The following PXDN variants were observed in gnomAD, a reference collection of about 807,000 sequenced individuals.
The protein encoded by PXDN is peroxidasin homolog.
PXDN carries 77 observed loss-of-function variants against 140.3 expected under a neutral mutation model. The observed-to-expected ratio is 0.55, with a 90% CI of 0.46 to 0.66. The LOEUF (loss-of-function observed/expected upper bound fraction) is 0.66. Ranked by LOEUF, PXDN falls within the 30% of genes least tolerant of loss-of-function variation. The pLI, the probability that PXDN is intolerant of heterozygous loss-of-function variation, is 0.00. For synonymous variants in PXDN, 911 were observed against 857.4 expected (o/e 1.06, Z -1.09); for missense variants, 1,838 against 2,039.5 (o/e 0.90, Z 1.90).
At chr2:1,720,707 TTC>T (rs200041810) in intron 1 of PXDN, among the ~76,000 whole-genome samples, 1,763 of 53,418 alleles carry the variant, frequency 0.033, 42 homozygotes, top group African/African-American at 0.11. Flanking sequence ...CTGCATCTCT[TTC>T]TCTCTCTCTC....
intron 7 of PXDN, among the ~76,000 whole-genome samples, chr2:1,678,818 G>T (rs1251840220): frequency 1.3e-5 from 2 of 152,178 alleles, no homozygotes; most frequent in Non-Finnish European, 2.9e-5. Context: ...GCTGAGGGCG[G>T]AGTCTGGGTC....
chr2:1,720,763 T>C (rs1487336804), intron 1 of PXDN, among the ~76,000 whole-genome samples: 2 of 150,756 alleles, frequency 1.3e-5, no homozygotes, highest in African/African-American at 2.5e-5. Context: ...CGTACACATA[T>C]CCTGTGGTTT....
chr2:1,654,313 T>C, intron 15 of PXDN, 87 bp downstream of exon 15: 1 of 883,000 alleles, frequency 1.1e-6, no homozygotes, highest in South Asian at 1.6e-5. Context: ...ATTCATATAT[T>C]AGAACTGCAT....
intron 12 of PXDN, among the ~76,000 whole-genome samples, chr2:1,662,682 G>A (rs1276445315): frequency 3.3e-5 from 5 of 152,170 alleles, no homozygotes; most frequent in African/African-American, 9.7e-5. Context: ...TCCCACCCCC[G>A]CATTCTCTAT....
At chr2:1,665,805 G>A (rs1012185646) in intron 10 of PXDN, among the ~76,000 whole-genome samples, 5 of 152,204 alleles carry the variant, frequency 3.3e-5, no homozygotes, top group Admixed American at 1.3e-4. Flanking sequence ...GGCGTAAAAC[G>A]ATGAATACTC....
intron 1 of PXDN, among the ~76,000 whole-genome samples, chr2:1,709,394 C>G (rs1197836976): frequency 6.6e-6 from 1 of 152,188 alleles, no homozygotes; most frequent in Non-Finnish European, 1.5e-5. Flanking sequence ...TGAATGGACA[C>G]TGTGCACGGC....
Position 1,664,949 on chromosome 2 carries a change from G to C in PXDN, c.1408+9C>G, listed in dbSNP as rs919850539. The C allele has an allele frequency of 9.5e-6, 15 of 1,586,684 alleles. No individual in the cohort carries two copies. Among genetic ancestry groups the C allele is most frequent in the Non-Finnish European group, 1.2e-5 (14 of 1,158,148 alleles). On this transcript the variant is annotated intron_variant, in intron 11 of 22. Coordinates refer to ENST00000252804, the MANE Select transcript of PXDN (RefSeq NM_012293.3). ...GAGGGAGCAGGCAAAGGGCCGGCCT[G>C]GGTCTTACCTCCCTTGGTCCAGGCG...
At chr2:1,658,366 C>T (rs968505728) in intron 14 of PXDN, among the ~76,000 whole-genome samples, 4 of 152,082 alleles carry the variant, frequency 2.6e-5, no homozygotes, top group Non-Finnish European at 5.9e-5. Flanking sequence ...TTCCCCAAGC[C>T]GGTTCCTCCC....
Position 1,687,137 on chromosome 2 carries a change from A to G in PXDN, c.416+495T>C, listed in dbSNP as rs1410218941. ...ACTGCATACACTAACTAGAACTACA[A>G]GGGAAAGAAAGGTTTTCTCCAAAAT... On this transcript the variant is annotated intron_variant, in intron 4 of 22. Coordinates refer to ENST00000252804, the MANE Select transcript of PXDN (RefSeq NM_012293.3). The surrounding 1 kb of genome is among the most constrained non-coding windows in gnomAD (Gnocchi z 4.0). Among the ~76,000 whole-genome samples, 1 of 152,260 alleles carries G rather than the reference A, an allele frequency of 6.6e-6. No homozygotes were observed. The highest frequency in any genetic ancestry group is 6.5e-5 in the Admixed American group (1 of 15,290).
chr2:1,687,457 G>A lies in PXDN; in HGVS notation c.416+175C>T, dbSNP rs550846664. Among the ~76,000 whole-genome samples, 13 of 152,306 alleles carry A rather than the reference G, an allele frequency of 8.5e-5. No individual in the cohort carries two copies. Among genetic ancestry groups the A allele is most frequent in the Admixed American group, 5.9e-4 (9 of 15,298 alleles). On this transcript the variant is annotated intron_variant, in intron 4 of 22. Coordinates refer to ENST00000252804, the MANE Select transcript of PXDN (RefSeq NM_012293.3). The surrounding 1 kb of genome is among the most constrained non-coding windows in gnomAD (Gnocchi z 4.0). ...GGGCTGGCTGGGTGGAAGGCGGGGCGGAGGGCAAATGACTCGCCCATCCCT... is the reference window on the plus strand; with the variant it reads ...GGGCTGGCTGGGTGGAAGGCGGGGCAGAGGGCAAATGACTCGCCCATCCCT...
intron 9 of PXDN, among the ~76,000 whole-genome samples, chr2:1,667,352 G>C (rs112199079): frequency 0.02 from 3,090 of 152,006 alleles, 109 homozygotes; most frequent in African/African-American, 0.071. Flanking sequence ...ATGATAAAGG[G>C]GATATCACCC....
chr2:1,722,111 A>C (rs1308663468), intron 1 of PXDN, among the ~76,000 whole-genome samples: 1 of 152,208 alleles, frequency 6.6e-6, no homozygotes, highest in Admixed American at 6.5e-5. Flanking sequence ...TGAACCCGAG[A>C]GGTGTTGACA....
chr2:1,715,794 C>A (rs934944324), intron 1 of PXDN, among the ~76,000 whole-genome samples: 4 of 152,190 alleles, frequency 2.6e-5, no homozygotes, highest in Non-Finnish European at 4.4e-5. Flanking sequence ...CCAACCTCTG[C>A]AGGATGAATA....
Position 1,687,601 on chromosome 2 carries a change from G to A in PXDN, c.416+31C>T, listed in dbSNP as rs1684091295. 6.9e-7 allele frequency: 1 copy of A among 1,454,326 alleles called. No individual in the cohort carries two copies. Among genetic ancestry groups the A allele is most frequent in the Admixed American group, 1.8e-5 (1 of 54,818 alleles). The allele number at this position is 1,454,326 out of a possible 1,614,324, so 90.1% of individuals were successfully genotyped here. A position where few individuals can be genotyped will look rare whatever the true frequency, so the allele number is the denominator to read the frequency against. On this transcript the variant is annotated intron_variant, in intron 4 of 22. Transcript: ENST00000252804. This position sits in a 1 kb window ranked among gnomAD's most constrained non-coding sequence, Gnocchi z 4.0. Reference sequence around the variant, plus strand: ...AGGAAAACAGCCAGACGGCATCCAAGAACTAAAGCACGAAGAGAAGGGGCA... The same window carrying A: ...AGGAAAACAGCCAGACGGCATCCAAAAACTAAAGCACGAAGAGAAGGGGCA...
chr2:1,662,297 C>G (rs971753550), intron 12 of PXDN, 113 bp from the exon 13 acceptor site: 1 of 885,454 alleles, frequency 1.1e-6, no homozygotes. Context: ...TGGGAGCTCA[C>G]AGTCAGTTTC....
chr2:1,645,002 A>C (rs1255506357), intron 17 of PXDN, among the ~76,000 whole-genome samples: 1 of 152,208 alleles, frequency 6.6e-6, no homozygotes, highest in Non-Finnish European at 1.5e-5. Context: ...TAGAAAAGCC[A>C]AGAAAAGATA....
chr2:1,711,546 CCCACTCTCCACCAGCAT>C (rs1220480576), intron 1 of PXDN, among the ~76,000 whole-genome samples: 2,212 of 135,642 alleles, frequency 0.016, 157 homozygotes, highest in African/African-American at 0.063. Flanking sequence ...TCCACCAGCA[CCCACTCTCCACCAGCAT>C]CCACTCTCCA....
chr2:1,648,361 G>T lies in PXDN; in HGVS notation c.3419C>A (p.Thr1140Lys). The stretch of plus-strand genomic sequence containing the variant: ...GTGTGCCATGGAGAACAGCCGCTCC[G>T]TGAGCTCCGTGTTCAGCAGCTGCGA... Reference protein sequence around the residue: ...VPSQLLNTELTERLFSMAHTV... With the variant: ...VPSQLLNTELKERLFSMAHTV... The change falls in exon 17 of 23, where the codon ACG becomes AAG. Residue 1140 changes from threonine to lysine, a missense_variant. Around this residue, in one of 5 missense-constraint regions of PXDN, gnomAD observed 850 missense variants for 894.1 expected, o/e 0.95. Transcript: ENST00000252804. The surrounding 1 kb of genome is among the most constrained non-coding windows in gnomAD (Gnocchi z 8.9). The T allele has an allele frequency of 1.2e-6, 2 of 1,613,440 alleles. No homozygotes were observed. The highest frequency in any genetic ancestry group is 1.7e-6 in the Non-Finnish European group (2 of 1,179,896).
At chr2:1,741,714 T>A (rs999275399) in intron 1 of PXDN, among the ~76,000 whole-genome samples, 4 of 152,154 alleles carry the variant, frequency 2.6e-5, no homozygotes, top group African/African-American at 9.7e-5. Flanking sequence ...ATGAGCCAAC[T>A]AACTTTGGGG....
Sources: allele counts gnomAD v4.1 joint callset (sites outside exome capture counted in the v4.1 genomes callset), GRCh38; gene constraint gnomAD v4.1.1; regional missense constraint gnomAD v4.1.1; non-coding constraint Gnocchi (gnomAD v3.1); transcripts MANE v1.5; gene names NCBI Gene and HGNC (gene_info 2026-07-23, HGNC 2026-07-21).